Variants in ANK3 observed in about 807,000 individuals in gnomAD.
ANK3 encodes ankyrin 3.
ANK3 carries 57 observed loss-of-function variants against 370.9 expected under a neutral mutation model. The observed-to-expected ratio is 0.15, with a 90% confidence interval of 0.12 to 0.19. The LOEUF is 0.19. ANK3 is among the 10% of genes least tolerant of loss of function. The pLI is 1.00. For synonymous variants in ANK3, 1,929 were observed against 1,946.3 expected (o/e 0.99, Z 0.23); for missense variants, 4,439 against 5,302.1 (o/e 0.84, Z 5.06).
intron 2 of ANK3, among the ~76,000 whole-genome samples, chr10:60,612,188 G>A (rs1052521509): frequency 6.6e-6 from 1 of 152,084 alleles, no homozygotes; most frequent in Admixed American, 6.6e-5. Flanking sequence ...GGAGCTGCAG[G>A]GGCTGAGTGG....
At chr10:60,030,374 C>T (rs990001354) in intron 43 of ANK3, among the ~76,000 whole-genome samples, 1 of 152,042 alleles carries the variant, frequency 6.6e-6, no homozygotes, top group African/African-American at 2.4e-5. Flanking sequence ...GATCTCCTGA[C>T]CTCGTGAGCC....
chr10:60,564,590 G>A (rs2077415177), intron 2 of ANK3, among the ~76,000 whole-genome samples: 1 of 152,158 alleles, frequency 6.6e-6, no homozygotes, highest in South Asian at 2.1e-4. Flanking sequence ...TATAATTCCA[G>A]CAGCATTAAG....
At chr10:60,317,938 G>A (rs1035748383) in intron 1 of ANK3, among the ~76,000 whole-genome samples, 8 of 151,800 alleles carry the variant, frequency 5.3e-5, no homozygotes, top group African/African-American at 1.2e-4. Context: ...GGATGGTCTC[G>A]ATCTCCTGAC....
intron 2 of ANK3, among the ~76,000 whole-genome samples, chr10:60,549,103 A>C (rs1351987868): frequency 6.6e-6 from 1 of 151,434 alleles, no homozygotes; most frequent in Non-Finnish European, 1.5e-5. Flanking sequence ...GTAATCAATA[A>C]TTGCTACACA....
intron 1 of ANK3, among the ~76,000 whole-genome samples, chr10:60,625,224 C>G (rs1428956328): frequency 1.3e-5 from 2 of 152,060 alleles, no homozygotes; most frequent in African/African-American, 4.8e-5. Flanking sequence ...GAGAAGACAT[C>G]TTGGACGTGC....
At chr10:60,353,111 T>C (rs1177278660) in intron 1 of ANK3, among the ~76,000 whole-genome samples, 1 of 151,200 alleles carries the variant, frequency 6.6e-6, no homozygotes, top group Non-Finnish European at 1.5e-5. Flanking sequence ...GGACCACAAA[T>C]AGCTGGGGCT....
rs75465575 is a variant in ANK3, at chr10:60,292,373, A to G, written c.115-12734T>C. Among the ~76,000 whole-genome samples the G allele has an allele frequency of 5.2e-3, 798 of 152,202 alleles. 4 individuals carry two copies. Among genetic ancestry groups the G allele is most frequent in the South Asian group, 1.0e-2 (48 of 4,820 alleles). ...AATATCTTGCTCTGGAAAAAAAAAA[A>G]AGTCTATCCATTGCATTCTCAGGGC... On this transcript the variant is annotated intron_variant, in intron 1 of 43. Transcript: ENST00000280772.
upstream of ANK3, among the ~76,000 whole-genome samples, chr10:60,393,512 C>T (rs2063155442): frequency 1.3e-5 from 2 of 152,198 alleles, no homozygotes; most frequent in Admixed American, 6.5e-5. Context: ...GAGTAATGGG[C>T]ATACTCCAGA....
At position 60,032,828 on chromosome 10, in the gene ANK3, G is replaced by A. The variant is rs369522930; in HGVS notation, c.*20-3002C>T. 5.3e-5 allele frequency among the ~76,000 whole-genome samples: 8 copies of A among 152,226 alleles called. No individual in the cohort carries two copies. The South Asian group carries it at 1.7e-3, about 32-fold the overall frequency. ...AGAGCCTGTTGGCCCCAACCACACT[G>A]GGTACAGGAAGGTCATTCATTGGAC... On this transcript the variant is annotated intron_variant, in intron 43 of 43. Transcript: ENST00000280772.
rs58521436 is a variant in ANK3, at chr10:60,619,148, C to T, written c.58-3924G>A. ...CTGCCCCTCCCAAACCTCTCTGTAC[C>T]GCCAAAACATATAGATCCTACCCTC... On this transcript the variant is annotated intron_variant, in intron 1 of 43. Transcript: ENST00000373827. Among the ~76,000 whole-genome samples the T allele has an allele frequency of 5.3e-3, 812 of 152,062 alleles. 6 individuals are homozygous for T. The highest frequency in any genetic ancestry group is 0.019 in the African/African-American group (768 of 41,506).
At position 60,280,837 on chromosome 10, in the gene ANK3, C is replaced by A. The variant is rs182172806; in HGVS notation, c.115-1198G>T. Among the ~76,000 whole-genome samples, 153 of 152,244 alleles carry A rather than the reference C, an allele frequency of 1.0e-3. 1 individual carries two copies. The highest frequency in any genetic ancestry group is 3.7e-3 in the South Asian group (18 of 4,818). On this transcript the variant is annotated intron_variant, in intron 1 of 43. Coordinates refer to ENST00000280772, the MANE Select transcript of ANK3 (RefSeq NM_020987.5). Reference sequence around the variant, plus strand: ...GCCTCATCTGTGAAGCCTGCCCAGACCCCCCAGGTGGAGTTTAGTTTCTCA... The same window carrying A: ...GCCTCATCTGTGAAGCCTGCCCAGAACCCCCAGGTGGAGTTTAGTTTCTCA...
chr10:60,685,077 G>T, intron 1 of ANK3: 1 of 1,233,086 alleles, frequency 8.1e-7, no homozygotes, highest in South Asian at 1.2e-5. Flanking sequence ...AAGAAAAGAT[G>T]AATATCAATA....
chr10:60,280,917 C>T (rs1374981656), intron 1 of ANK3, among the ~76,000 whole-genome samples: 1 of 152,182 alleles, frequency 6.6e-6, no homozygotes, highest in Non-Finnish European at 1.5e-5. Context: ...CACAACATCA[C>T]AGATTTTGGT....
At chr10:60,543,980 A>G (rs558657744) in intron 2 of ANK3, among the ~76,000 whole-genome samples, 3 of 152,168 alleles carry the variant, frequency 2.0e-5, no homozygotes, top group South Asian at 4.1e-4. Flanking sequence ...CATCCTTTCA[A>G]TAAGAATGTA....
chr10:60,231,084 A>G (rs1484294852), intron 8 of ANK3, among the ~76,000 whole-genome samples: 2 of 152,166 alleles, frequency 1.3e-5, no homozygotes, highest in Non-Finnish European at 2.9e-5. Flanking sequence ...TACTGGCTGG[A>G]AAACTATGAC....
At chr10:60,602,503 T>G (rs1189789580) in intron 2 of ANK3, among the ~76,000 whole-genome samples, 1 of 152,168 alleles carries the variant, frequency 6.6e-6, no homozygotes. Context: ...ATACCAACCC[T>G]AGAGACCTTA....
At chr10:60,694,450 T>G (rs888078292) in intron 1 of ANK3, among the ~76,000 whole-genome samples, 1 of 152,044 alleles carries the variant, frequency 6.6e-6, no homozygotes, top group Non-Finnish European at 1.5e-5. Context: ...AATTGTCAGA[T>G]TCACCAAAGT....
At chr10:60,162,408 G>C (rs2095521580) in intron 23 of ANK3, among the ~76,000 whole-genome samples, 1 of 152,028 alleles carries the variant, frequency 6.6e-6, no homozygotes, top group Admixed American at 6.6e-5. Context: ...TGTGTATTTG[G>C]GCTTTCCTAC....
At chr10:60,063,875 T>C (rs1057301567) in intron 39 of ANK3, among the ~76,000 whole-genome samples, 1 of 152,176 alleles carries the variant, frequency 6.6e-6, no homozygotes, top group African/African-American at 2.4e-5. Flanking sequence ...TAAAATTATG[T>C]TTTCAGTTTT....
Sources: gnomAD v4.1 joint callset for allele counts (sites outside exome capture counted in the v4.1 genomes callset) on GRCh38, gnomAD v4.1.1 for gene constraint, MANE v1.5 for transcripts, NCBI Gene and HGNC (gene_info 2026-07-23, HGNC 2026-07-21) for gene names.